CA5A: variants seen among roughly 807,000 people sequenced by gnomAD.
CA5A encodes the protein carbonic anhydrase 5A, mitochondrial.
A neutral mutation model predicts 37.1 loss-of-function variants in CA5A; 28 were observed. The observed-to-expected ratio is 0.75, with a 90% CI of 0.56 to 1.03. CA5A has a LOEUF of 1.03. Ranked by LOEUF, CA5A falls within the 50% of genes least tolerant of loss-of-function variation. The pLI is 0.00. For synonymous variants in CA5A, 171 were observed against 158.4 expected, an observed-to-expected ratio of 1.08 and a Z score of -0.60; for missense variants, 444 against 399.9, an observed-to-expected ratio of 1.11 and a Z score of -0.94.
chr16:87,915,231 G>A (rs566171428), intron 2 of CA5A, among the ~76,000 whole-genome samples: 2 of 152,288 alleles, frequency 1.3e-5, no homozygotes, highest in African/African-American at 2.4e-5. Context: ...TCTACAATTC[G>A]AAGCTCCACC....
intron 3 of CA5A, among the ~76,000 whole-genome samples, chr16:87,904,364 AAAACAAAC>A (rs143810181): frequency 1.3e-5 from 2 of 152,022 alleles, no homozygotes; most frequent in African/African-American, 2.4e-5. Context: ...CAAAAACCAA[AAAACAAAC>A]AAACAAACAA....
chr16:87,919,230 C>T (rs2056196961), intron 2 of CA5A, among the ~76,000 whole-genome samples: 1 of 152,210 alleles, frequency 6.6e-6, no homozygotes, highest in African/African-American at 2.4e-5. Context: ...GGGCCGAGGT[C>T]AGCTCGGGGT....
chr16:87,895,076 C>T (rs1164772630), intron 5 of CA5A, among the ~76,000 whole-genome samples: 2 of 151,800 alleles, frequency 1.3e-5, no homozygotes, highest in African/African-American at 2.4e-5. Context: ...ATAACGAGAC[C>T]CTGACTCTAC....
intron 2 of CA5A, among the ~76,000 whole-genome samples, chr16:87,909,425 A>G (rs2056016590): frequency 6.6e-6 from 1 of 152,196 alleles, no homozygotes; most frequent in South Asian, 2.1e-4. Flanking sequence ...TGAGGAGGGA[A>G]GCGAAACGTT....
At chr16:87,935,303 A>C (rs1567542247) in intron 1 of CA5A, among the ~76,000 whole-genome samples, 2 of 152,248 alleles carry the variant, frequency 1.3e-5, no homozygotes. Flanking sequence ...GTCACAAGGC[A>C]CTGACCATGA....
At chr16:87,935,211 A>G (rs2056455501) in intron 1 of CA5A, among the ~76,000 whole-genome samples, 1 of 152,220 alleles carries the variant, frequency 6.6e-6, no homozygotes, top group Non-Finnish European at 1.5e-5. Context: ...CAGTTAGAAG[A>G]GAACTTGGCA....
At chr16:87,929,559 T>C (rs1016156622) in intron 1 of CA5A, among the ~76,000 whole-genome samples, 2 of 151,224 alleles carry the variant, frequency 1.3e-5, no homozygotes, top group African/African-American at 4.9e-5. Flanking sequence ...CTTGAAAAAA[T>C]TTTTAGCTGT....
rs1426885947 is a variant in CA5A, at chr16:87,936,307, A to T, written c.142+2T>A. On this transcript the variant is annotated splice_donor_variant, in intron 1 of 6. Transcript: ENST00000649794. LOFTEE classifies it high-confidence loss of function. Reference sequence around the variant, plus strand: ...TCTTAGGAAATTTGAGGCTCTACTTACAAGTGTTATTGCTGGTTTGCCATG... The same window carrying T: ...TCTTAGGAAATTTGAGGCTCTACTTTCAAGTGTTATTGCTGGTTTGCCATG... 1.2e-6 allele frequency: 2 copies of T among 1,609,942 alleles called. No homozygotes were observed. The highest frequency in any genetic ancestry group is 8.5e-7 in the Non-Finnish European group (1 of 1,176,400).
intron 6 of CA5A, 110 bp downstream of exon 6, chr16:87,891,689 A>C: frequency 9.9e-7 from 1 of 1,011,054 alleles, no homozygotes; most frequent in Non-Finnish European, 1.4e-6. Context: ...AAATGCATGA[A>C]AGAATATATA....
At chr16:87,920,772 C>T (rs920519749) in intron 2 of CA5A, among the ~76,000 whole-genome samples, 3 of 152,080 alleles carry the variant, frequency 2.0e-5, no homozygotes, top group African/African-American at 4.8e-5. Context: ...GTGCTTGCCA[C>T]CATGCCCAGC....
intron 2 of CA5A, among the ~76,000 whole-genome samples, chr16:87,926,393 C>T (rs1283298031): frequency 6.6e-6 from 1 of 152,204 alleles, no homozygotes; most frequent in Non-Finnish European, 1.5e-5. Context: ...CCGCTGCCTT[C>T]TGAGTTCCTC....
downstream of CA5A, chr16:87,885,779 C>T (rs1356693973): frequency 6.6e-6 from 1 of 152,406 alleles, no homozygotes; most frequent in Non-Finnish European, 1.5e-5. Flanking sequence ...TTCACTCCTC[C>T]TTTGGTCTCT....
At chr16:87,929,875 A>G (rs898819508) in intron 1 of CA5A, among the ~76,000 whole-genome samples, 1 of 150,066 alleles carries the variant, frequency 6.7e-6, no homozygotes. Flanking sequence ...CCGTCTCAAA[A>G]AAAAAAAAAA....
chr16:87,887,440 GT>G (rs2055657445), downstream of CA5A: 1 of 151,796 alleles, frequency 6.6e-6, no homozygotes, highest in South Asian at 2.1e-4. Context: ...TTGAGACAGA[GT>G]TTTGCTCTTG....
rs761343351 is a variant in CA5A at position 87,904,931 on chromosome 16, G to A, written c.341-27C>T. On this transcript the variant is annotated intron_variant, in intron 2 of 6. Transcript: ENST00000649794. Reference sequence around the variant, plus strand: ...TGGAAATAAAGGCAGTGAGACGTGTGTGTCATTTTGTCTGTTTGTTGAGCT... The same window carrying A: ...TGGAAATAAAGGCAGTGAGACGTGTATGTCATTTTGTCTGTTTGTTGAGCT... The A allele has an allele frequency of 1.2e-5, 17 of 1,435,356 alleles. No homozygotes were observed. The South Asian group carries it at 1.9e-4, about 16-fold the overall frequency. 88.9% of individuals were successfully genotyped at this position (1,435,356 alleles called of 1,614,324 possible).
intron 2 of CA5A, among the ~76,000 whole-genome samples, chr16:87,924,698 C>A (rs746012614): frequency 6.6e-6 from 1 of 152,244 alleles, no homozygotes; most frequent in Non-Finnish European, 1.5e-5. Flanking sequence ...GCTGGGGAAG[C>A]CCCGGTGAGC....
intron 1 of CA5A, among the ~76,000 whole-genome samples, chr16:87,931,476 C>G (rs2056404312): frequency 6.6e-6 from 1 of 152,308 alleles, no homozygotes. Flanking sequence ...TGGGCCAAAA[C>G]CCTGGCGGCT....
rs1478030123 is a variant in CA5A, at chr16:87,911,362, C to A, written c.341-6458G>T. 1.3e-5 allele frequency among the ~76,000 whole-genome samples: 2 copies of A among 152,144 alleles called. No homozygotes were observed. The highest frequency in any genetic ancestry group is 1.3e-4 in the Admixed American group (2 of 15,262). On this transcript the variant is annotated intron_variant, in intron 2 of 6. Transcript: ENST00000649794. The surrounding 1 kb of genome is among the most constrained non-coding windows in gnomAD (Gnocchi z 4.6). ...CCGGCTCCAGGCTGTGACGTGCTGGCCCCAGAGAATATTGTCTCTGCTATT... is the reference window on the plus strand; with the variant it reads ...CCGGCTCCAGGCTGTGACGTGCTGGACCCAGAGAATATTGTCTCTGCTATT...
At chr16:87,890,891 T>C (rs148630101) in intron 6 of CA5A, among the ~76,000 whole-genome samples, 12,067 of 152,104 alleles carry the variant, frequency 0.079, 571 homozygotes, top group Middle Eastern at 0.15. Context: ...GCCTCCCGGC[T>C]TCAAGTTATT....
Sources: allele counts gnomAD v4.1 joint callset (sites outside exome capture counted in the v4.1 genomes callset), GRCh38; gene constraint gnomAD v4.1.1; non-coding constraint Gnocchi (gnomAD v3.1); transcripts MANE v1.5; gene names NCBI Gene and HGNC (gene_info 2026-07-23, HGNC 2026-07-21).